CDKL1: variants seen among roughly 807,000 people sequenced by gnomAD.
CDKL1 encodes cyclin dependent kinase like 1.
CDKL1 carries 41 observed loss-of-function variants against 42.0 expected under a neutral mutation model. The ratio of observed to expected loss-of-function variants is 0.98; its 90% CI spans 0.76 to 1.27. The LOEUF is 1.27. Ranked by LOEUF, CDKL1 falls within the 50% of genes most tolerant of loss-of-function variation. The pLI is 0.00. For missense variants in CDKL1, 394 were observed against 428.4 expected (o/e 0.92, Z 0.71); for synonymous variants, 153 against 158.6 (o/e 0.96, Z 0.26).
In CDKL1 at chr14:50,344,967, A is replaced by G. The variant is rs773523146; in HGVS notation, c.363+19T>C. ...TAAGGGGAGCCTTGTTGCTTTTCAA[A>G]AGAGATCATGAGACTTACATTGTGT... On this transcript the variant is annotated intron_variant, in intron 4 of 9. Transcript: ENST00000395834. The G allele has an allele frequency of 6.2e-7, 1 of 1,605,352 alleles. No individual in the cohort carries two copies. Among genetic ancestry groups the G allele is most frequent in the South Asian group, 1.1e-5 (1 of 90,644 alleles).
chr14:50,388,171 G>C (rs1477435400), intron 2 of CDKL1, among the ~76,000 whole-genome samples: 1 of 152,214 alleles, frequency 6.6e-6, no homozygotes, highest in Non-Finnish European at 1.5e-5. Context: ...TCACAGGCAT[G>C]AGCCACTGCA....
Position 50,378,201 on chromosome 14 carries a change from A to G in CDKL1, c.168+17500T>C, listed in dbSNP as rs759250517. On this transcript the variant is annotated intron_variant, in intron 2 of 9. Coordinates refer to ENST00000395834, the MANE Select transcript of CDKL1 (RefSeq NM_004196.7). Reference sequence around the variant, plus strand: ...CCTGCAGACCTTAAAAATCCCTCACATGATGCAGGTGCCTCCTTAGGAGGG... The same window carrying G: ...CCTGCAGACCTTAAAAATCCCTCACGTGATGCAGGTGCCTCCTTAGGAGGG... The G allele has an allele frequency of 2.2e-6, 3 of 1,366,396 alleles. No homozygotes were observed. In the Admixed American group the frequency reaches 5.7e-5, roughly 26 times the overall value. 84.6% of individuals were successfully genotyped at this position (1,366,396 alleles called of 1,614,324 possible). A position where few individuals can be genotyped will look rare whatever the true frequency, so the allele number is the denominator to read the frequency against.
chr14:50,335,495 A>C (rs1427106775), intron 7 of CDKL1: 1 of 1,535,944 alleles, frequency 6.5e-7, no homozygotes. Flanking sequence ...GGCATTCGTC[A>C]ATCTCCTTTT....
intron 4 of CDKL1, 173 bp from the exon 5 acceptor site, chr14:50,342,395 C>G: frequency 1.5e-6 from 2 of 1,369,254 alleles, no homozygotes; most frequent in Non-Finnish European, 1.9e-6. Flanking sequence ...CTGTCAGAGC[C>G]TGAATCATCC....
At chr14:50,357,938 T>C in intron 3 of CDKL1, 1 of 569,396 alleles carries the variant, frequency 1.8e-6, no homozygotes, top group Non-Finnish European at 3.0e-6. Context: ...TGGGAGAGAG[T>C]GAGAAAGAAC....
intron 2 of CDKL1, among the ~76,000 whole-genome samples, chr14:50,368,912 G>C (rs1445564305): frequency 6.7e-6 from 1 of 149,170 alleles, no homozygotes; most frequent in Admixed American, 6.7e-5. Context: ...TGTCACCCAG[G>C]CTGGAGTGCA....
chr14:50,351,352 G>T (rs1159862281), intron 3 of CDKL1, among the ~76,000 whole-genome samples: 1 of 151,874 alleles, frequency 6.6e-6, no homozygotes, highest in Admixed American at 6.6e-5. Flanking sequence ...AGGTTTAAAG[G>T]CCAGACATTA....
intron 2 of CDKL1, among the ~76,000 whole-genome samples, chr14:50,390,962 G>A (rs2035239768): frequency 6.6e-6 from 1 of 152,164 alleles, no homozygotes; most frequent in South Asian, 2.1e-4. Flanking sequence ...AGCTTCCTGA[G>A]TAGCTGGGAC....
intron 2 of CDKL1, among the ~76,000 whole-genome samples, chr14:50,393,085 C>A (rs764495813): frequency 2.2e-4 from 33 of 152,194 alleles, no homozygotes; most frequent in Non-Finnish European, 4.4e-4. Context: ...AGGGTGCTTT[C>A]TACTTATGCA....
At chr14:50,364,893 A>G (rs1335232459) in intron 2 of CDKL1, among the ~76,000 whole-genome samples, 1 of 152,194 alleles carries the variant, frequency 6.6e-6, no homozygotes, top group Non-Finnish European at 1.5e-5. Flanking sequence ...ATAGAGACAA[A>G]TAAAGCAAGT....
intron 2 of CDKL1, among the ~76,000 whole-genome samples, chr14:50,389,143 A>G (rs2035178043): frequency 6.7e-6 from 1 of 150,170 alleles, no homozygotes; most frequent in Non-Finnish European, 1.5e-5. Flanking sequence ...AAGAAAACTG[A>G]AGTCTCTAAC....
intron 2 of CDKL1, among the ~76,000 whole-genome samples, chr14:50,369,312 T>G (rs866461927): frequency 6.6e-6 from 1 of 152,096 alleles, no homozygotes; most frequent in Admixed American, 6.6e-5. Flanking sequence ...AGACAAGGCT[T>G]GTATGCTTTA....
upstream of CDKL1, chr14:50,397,065 C>G (rs761659518): frequency 3.0e-5 from 40 of 1,331,898 alleles, no homozygotes; most frequent in South Asian, 4.5e-4. Flanking sequence ...GACCGCGGGC[C>G]GAGTCCTGCT....
At chr14:50,368,463 T>C (rs2034493344) in intron 2 of CDKL1, among the ~76,000 whole-genome samples, 1 of 152,008 alleles carries the variant, frequency 6.6e-6, no homozygotes, top group African/African-American at 2.4e-5. Flanking sequence ...AGTGTCTCAC[T>C]ATGTTGCCCA....
At position 50,326,822 on chromosome 14, in the gene CDKL1, C is replaced by A; in HGVS notation, c.*3252G>T. On this transcript the variant is annotated 3_prime_UTR_variant, in exon 10 of 10. Coordinates refer to ENST00000395834, the MANE Select transcript of CDKL1 (RefSeq NM_004196.7). ...TTGGGAGGCTGAGGTGGGAGGATCACTTGAGACCAGGAGTTTGAGACCAAT... is the reference window on the plus strand; with the variant it reads ...TTGGGAGGCTGAGGTGGGAGGATCAATTGAGACCAGGAGTTTGAGACCAAT... 1 of 930,624 alleles carries A rather than the reference C, an allele frequency of 1.1e-6. No individual in the cohort carries two copies. The highest frequency in any genetic ancestry group is 1.3e-6 in the Non-Finnish European group (1 of 780,206). The allele number at this position is 930,624 out of a possible 1,614,324, so 57.6% of individuals were successfully genotyped here. A position where few individuals can be genotyped will look rare whatever the true frequency, so the allele number is the denominator to read the frequency against.
upstream of CDKL1, chr14:50,397,261 C>G (rs751250809): frequency 2.2e-6 from 3 of 1,366,442 alleles, no homozygotes; most frequent in African/African-American, 3.0e-5. Flanking sequence ...GAGGCATCTT[C>G]TGTGTCTGTG....
intron 3 of CDKL1, among the ~76,000 whole-genome samples, chr14:50,348,786 G>GA (rs1383507625): frequency 6.6e-6 from 1 of 151,958 alleles, no homozygotes; most frequent in Non-Finnish European, 1.5e-5. Flanking sequence ...AGAACAAACA[G>GA]AAAAAAGCAA....
chr14:50,370,254 A>G (rs1220943649), intron 2 of CDKL1, among the ~76,000 whole-genome samples: 2 of 152,044 alleles, frequency 1.3e-5, no homozygotes, highest in Non-Finnish European at 2.9e-5. Context: ...TTTTTAGTAA[A>G]GACAAAATTT....
chr14:50,380,012 T>C lies in CDKL1; in HGVS notation c.168+15689A>G. The C allele has an allele frequency of 4.5e-6, 2 of 442,448 alleles. 1 individual carries two copies. The highest frequency in any genetic ancestry group is 3.4e-5 in the South Asian group (2 of 59,254). 27.4% of individuals were successfully genotyped at this position (442,448 alleles called of 1,614,324 possible). A position where few individuals can be genotyped will look rare whatever the true frequency, so the allele number is the denominator to read the frequency against. ...GTTAGAGCACCGTTTCATACTGGGCTTAACAGGTCCATGAATCCATTCTTG... is the reference window on the plus strand; with the variant it reads ...GTTAGAGCACCGTTTCATACTGGGCCTAACAGGTCCATGAATCCATTCTTG... On this transcript the variant is annotated intron_variant, in intron 2 of 9. Coordinates refer to ENST00000395834, the MANE Select transcript of CDKL1 (RefSeq NM_004196.7).
Sources: allele counts gnomAD v4.1 joint callset (sites outside exome capture counted in the v4.1 genomes callset), GRCh38; gene constraint gnomAD v4.1.1; transcripts MANE v1.5; gene names NCBI Gene and HGNC (gene_info 2026-07-23, HGNC 2026-07-21).